The following METTL22 variants were observed in gnomAD, a reference collection of about 807,000 sequenced individuals.
METTL22 encodes the protein methyltransferase-like protein 22.
Under a neutral mutation model 48.4 loss-of-function variants are expected in METTL22, and 51 were observed. The ratio of observed to expected loss-of-function variants is 1.05; its 90% CI spans 0.84 to 1.33. The LOEUF (loss-of-function observed/expected upper bound fraction) is 1.33. METTL22 is among the 40% of genes most tolerant of loss of function. METTL22 has a pLI of 0.00. For missense variants in METTL22, 678 were observed against 526.9 expected (o/e 1.29, Z -2.81); for synonymous variants, 255 against 214.1 (o/e 1.19, Z -1.67).
the METTL22 span, among the ~76,000 whole-genome samples, chr16:8,655,100 C>G: frequency 1.3e-5 from 2 of 152,222 alleles, no homozygotes; most frequent in African/African-American, 4.8e-5. Flanking sequence ...ACTGTATTAT[C>G]TATTTGCTGC....
intron 1 of METTL22, among the ~76,000 whole-genome samples, chr16:8,624,625 GGAAGCT>G (rs753248440): frequency 5.9e-5 from 9 of 152,058 alleles, no homozygotes; most frequent in Non-Finnish European, 8.8e-5. Context: ...CAGCACTTTA[GGAAGCT>G]GATATGGGAG....
At chr16:8,650,185 G>A (rs1036308635), downstream of METTL22, among the ~76,000 whole-genome samples, 6 of 152,214 alleles carry the variant, frequency 3.9e-5, no homozygotes, top group African/African-American at 1.4e-4. Flanking sequence ...TAATTAGCCA[G>A]GTGTGTCATG....
chr16:8,628,753 C>G lies in METTL22; in HGVS notation c.157C>G (p.Leu53Val). ...AGTTTTCCTGTCCCAATTCAAGCTT[C>G]TATGGAGCCAAGACTCTTGGACAGA... ...QPVFLSQFKL[L>V]WSQDSWTDSG... Residue 53 changes from leucine (L) to valine (V), a missense_variant, in exon 3 of 11, where the codon CTA becomes GTA. Coordinates refer to ENST00000381920, the MANE Select transcript of METTL22 (RefSeq NM_024109.4). 1 of 1,612,486 alleles carries G rather than the reference C, an allele frequency of 6.2e-7. No homozygotes were observed. The highest frequency in any genetic ancestry group is 1.1e-5 in the South Asian group (1 of 91,038).
Position 8,625,548 on chromosome 16 carries a change from A to G in METTL22, c.-118A>G, listed in dbSNP as rs1012712457. 11 of 923,046 alleles carry G rather than the reference A, an allele frequency of 1.2e-5. No individual in the cohort carries two copies. Among genetic ancestry groups the G allele is most frequent in the Non-Finnish European group, 1.7e-5 (11 of 637,232 alleles). 57.2% of individuals were successfully genotyped at this position (923,046 alleles called of 1,614,324 possible). A position where few individuals can be genotyped will look rare whatever the true frequency, so the allele number is the denominator to read the frequency against. ...TGAGATCTTCTCCCAGGGCGATGCA[A>G]AGCTACTCGCTACCAGCTTGGACCT... On this transcript the variant is annotated 5_prime_UTR_variant, in exon 2 of 11. Transcript: ENST00000381920.
In METTL22 at chr16:8,634,278, C is replaced by T. The variant is rs185455514; in HGVS notation, c.515-761C>T. ...TTTCCTGGTTCGGGGACAGACAGAG[C>T]GATTGGCGATAGCTGTTACCATCTC... On this transcript the variant is annotated intron_variant, in intron 3 of 10. Transcript: ENST00000381920. 1.6e-3 allele frequency among the ~76,000 whole-genome samples: 239 copies of T among 152,296 alleles called. 2 individuals are homozygous for T. The highest frequency in any genetic ancestry group is 5.6e-3 in the African/African-American group (232 of 41,568).
downstream of METTL22, among the ~76,000 whole-genome samples, chr16:8,653,982 C>G (rs1183254079): frequency 2.0e-5 from 3 of 152,108 alleles, no homozygotes; most frequent in Non-Finnish European, 4.4e-5. Flanking sequence ...CATGAGTACA[C>G]CACTGCACTC....
At chr16:8,646,087 T>TA in intron 10 of METTL22, 21 bp from the exon 11 acceptor site, 1 of 1,454,582 alleles carries the variant, frequency 6.9e-7, no homozygotes, top group East Asian at 2.5e-5. Context: ...AGAAACCTGT[T>TA]CTTTTCTCTG....
chr16:8,641,962 C>G (rs1374302049), intron 7 of METTL22, 165 bp from the exon 8 acceptor site: 19 of 642,194 alleles, frequency 3.0e-5, no homozygotes, highest in Non-Finnish European at 5.4e-5. Context: ...ACCCGGGCAG[C>G]AGTGGGCCTG....
chr16:8,622,386 A>G (rs1278124617), intron 1 of METTL22, among the ~76,000 whole-genome samples: 1 of 152,204 alleles, frequency 6.6e-6, no homozygotes, highest in Non-Finnish European at 1.5e-5. Flanking sequence ...GTAGCGTCTC[A>G]GTCTAGCCCC....
At chr16:8,660,970 T>C in the METTL22 span, among the ~76,000 whole-genome samples, 1 of 151,730 alleles carries the variant, frequency 6.6e-6, no homozygotes, top group African/African-American at 2.4e-5. Flanking sequence ...ATCCGGACTC[T>C]GGCCCGACCA....
At chr16:8,655,947 A>C in the METTL22 span, among the ~76,000 whole-genome samples, 121,572 of 152,254 alleles carry the variant, frequency 0.8, 48,663 homozygotes, top group East Asian at 0.93. Context: ...CTGACAAGAC[A>C]TAGTTCTTGA....
At position 8,636,289 on chromosome 16, in the gene METTL22, C is replaced by A. The variant is rs549277257; in HGVS notation, c.700+977C>A. Among the ~76,000 whole-genome samples the A allele has an allele frequency of 3.3e-5, 5 of 152,250 alleles. No homozygotes were observed. In the East Asian group the frequency reaches 9.7e-4, roughly 29 times the overall value. On this transcript the variant is annotated intron_variant, in intron 5 of 10. Transcript: ENST00000381920. The stretch of plus-strand genomic sequence containing the variant: ...GTGGCTGACATCTGTAATCCCAGCC[C>A]TTTGGGAGGCTGAGGCAGGCAGATC...
chr16:8,644,794 G>C lies in METTL22; in HGVS notation c.1179+69G>C, dbSNP rs143114398. 3.5e-6 allele frequency: 5 copies of C among 1,429,982 alleles called. No individual in the cohort carries two copies. In the African/African-American group the frequency reaches 5.8e-5, roughly 17 times the overall value. The allele number at this position is 1,429,982 out of a possible 1,614,324, so 88.6% of individuals were successfully genotyped here. The stretch of plus-strand genomic sequence containing the variant: ...GAAGCGGGTGACTCCAGGGCAAAGA[G>C]GTGATGAAGCAAGCCCTCCAAGCAC... On this transcript the variant is annotated intron_variant, in intron 10 of 10. Coordinates refer to ENST00000381920, the MANE Select transcript of METTL22 (RefSeq NM_024109.4).
Position 8,644,627 on chromosome 16 carries a change from G to A in METTL22, c.1081G>A (p.Ala361Thr), listed in dbSNP as rs376600090. ...CGATCACTTCCGCTCCTGCCTGCAC[G>A]CGCTGGAGCAGCTCGCAGATGGCAA... ...AYDHFRSCLH[A>T]LEQLADGKLR... Residue 361 changes from alanine (A) to threonine (T), a missense_variant, in exon 10 of 11, where the codon GCG (alanine) becomes ACG (threonine). Coordinates refer to ENST00000381920, the MANE Select transcript of METTL22 (RefSeq NM_024109.4). 9.6e-5 allele frequency: 154 copies of A among 1,605,934 alleles called. No individual in the cohort carries two copies. The East Asian group carries it at 1.6e-3, about 17-fold the overall frequency.
At chr16:8,633,630 C>G (rs1279682864) in intron 3 of METTL22, among the ~76,000 whole-genome samples, 1 of 152,188 alleles carries the variant, frequency 6.6e-6, no homozygotes, top group Non-Finnish European at 1.5e-5. Context: ...CAGAAAACTG[C>G]AGATGACCTG....
At chr16:8,635,378 A>G (rs1051359398) in intron 5 of METTL22, 66 bp downstream of exon 5, 37 of 1,463,962 alleles carry the variant, frequency 2.5e-5, no homozygotes, top group Non-Finnish European at 3.2e-5. Flanking sequence ...CTGACTGTAT[A>G]AAAAAAGAGG....
At chr16:8,622,613 C>T (rs189712860) in intron 1 of METTL22, among the ~76,000 whole-genome samples, 6 of 152,302 alleles carry the variant, frequency 3.9e-5, no homozygotes, top group African/African-American at 1.2e-4. Context: ...TCTTTCTTCC[C>T]AGCATTCACT....
chr16:8,654,487 T>C (rs1484620344), downstream of METTL22, among the ~76,000 whole-genome samples: 2 of 152,216 alleles, frequency 1.3e-5, no homozygotes, highest in African/African-American at 4.8e-5. Context: ...CAAACATGGG[T>C]TATTTTTGTG....
chr16:8,625,837 T>C (rs1171264309), intron 2 of METTL22, 39 bp downstream of exon 2: 1 of 1,609,464 alleles, frequency 6.2e-7, no homozygotes, highest in Admixed American at 1.7e-5. Context: ...GATCCTATTT[T>C]GTTTTCTGCT....
Sources: gnomAD v4.1 joint callset for allele counts (sites outside exome capture counted in the v4.1 genomes callset) on GRCh38, gnomAD v4.1.1 for gene constraint, MANE v1.5 for transcripts, NCBI Gene and HGNC (gene_info 2026-07-23, HGNC 2026-07-21) for gene names.